ANGPT2: variants seen among roughly 807,000 people sequenced by gnomAD.
ANGPT2 encodes the protein angiopoietin-2.
Under a neutral mutation model 62.9 loss-of-function variants are expected in ANGPT2, and 28 were observed. The ratio of observed to expected loss-of-function variants is 0.44; its 90% CI spans 0.33 to 0.61. The LOEUF (loss-of-function observed/expected upper bound fraction) is 0.61, where lower values mean the gene tolerates loss of function less well. Ranked by LOEUF, ANGPT2 falls within the 20% of genes least tolerant of loss-of-function variation. ANGPT2 has a pLI of 0.03. For synonymous variants in ANGPT2, 284 were observed against 207.8 expected (o/e 1.37, Z -3.15); for missense variants, 727 against 594.9 (o/e 1.22, Z -2.31).
intron 4 of ANGPT2, among the ~76,000 whole-genome samples, chr8:6,520,553 G>C (rs1817123446): frequency 6.6e-6 from 1 of 151,950 alleles, no homozygotes; most frequent in Non-Finnish European, 1.5e-5. Flanking sequence ...CCACCACCAA[G>C]CCCAGCTAAT....
chr8:6,549,143 T>C (rs1823131237), intron 1 of ANGPT2, among the ~76,000 whole-genome samples: 1 of 152,162 alleles, frequency 6.6e-6, no homozygotes, highest in African/African-American at 2.4e-5. Context: ...GAGATAGCAG[T>C]ACAAGAAAAA....
chr8:6,500,109 G>C lies in ANGPT2; in HGVS notation c.*2992C>G. The C allele has an allele frequency of 1.6e-6, 1 of 622,720 alleles. No homozygotes were observed. The highest frequency in any genetic ancestry group is 2.9e-6 in the Non-Finnish European group (1 of 347,542). The allele number at this position is 622,720 out of a possible 1,614,324, so 38.6% of individuals were successfully genotyped here. ...TATTCGCGAGAACAAATGTGAGAACGTGAGACCATTGTGCAAAAAGTAGTG... is the reference window on the plus strand; with the variant it reads ...TATTCGCGAGAACAAATGTGAGAACCTGAGACCATTGTGCAAAAAGTAGTG... On this transcript the variant is annotated 3_prime_UTR_variant, in exon 9 of 9. Coordinates refer to ENST00000629816, the MANE Select transcript of ANGPT2 (RefSeq NM_001118887.2).
intron 5 of ANGPT2, among the ~76,000 whole-genome samples, chr8:6,519,200 T>C (rs1816846794): frequency 6.6e-6 from 1 of 152,210 alleles, no homozygotes; most frequent in Admixed American, 6.5e-5. Context: ...TCTCATGGTG[T>C]GGACCTCAGA....
At chr8:6,561,579 A>G (rs553544743) in intron 1 of ANGPT2, among the ~76,000 whole-genome samples, 54 of 152,234 alleles carry the variant, frequency 3.5e-4, no homozygotes, top group Non-Finnish European at 7.1e-4. Flanking sequence ...AATGAGGCTC[A>G]CCAACTTTTA....
rs906353246 is a variant in ANGPT2, at chr8:6,499,690, A to T, written c.*3411T>A. ...CTTTTTATTAATATTCATAACATTT[A>T]TGCAACATGAAGATTCTGAAGGGAC... On this transcript the variant is annotated 3_prime_UTR_variant, in exon 9 of 9. Transcript: ENST00000629816. 1.7e-5 allele frequency: 11 copies of T among 634,690 alleles called. No individual in the cohort carries two copies. The highest frequency in any genetic ancestry group is 2.8e-5 in the Non-Finnish European group (10 of 354,460). 39.3% of individuals were successfully genotyped at this position (634,690 alleles called of 1,614,324 possible). A position where few individuals can be genotyped will look rare whatever the true frequency, so the allele number is the denominator to read the frequency against.
intron 1 of ANGPT2, among the ~76,000 whole-genome samples, chr8:6,539,410 G>A (rs1435607037): frequency 6.6e-6 from 1 of 152,164 alleles, no homozygotes; most frequent in African/African-American, 2.4e-5. Context: ...AAGGCCGAGG[G>A]AGGGAAGCCT....
intron 7 of ANGPT2, among the ~76,000 whole-genome samples, chr8:6,510,151 G>GT (rs1167872587): frequency 8.0e-6 from 1 of 124,774 alleles, no homozygotes; most frequent in East Asian, 2.0e-4. Flanking sequence ...TTTTGAGGTT[G>GT]TTTTTTCTTT....
Position 6,520,037 on chromosome 8 carries a change from G to A in ANGPT2, c.800-46C>T, listed in dbSNP as rs2922899. 55 of 1,600,078 alleles carry A rather than the reference G, an allele frequency of 3.4e-5. No individual in the cohort carries two copies. The East Asian group carries it at 1.2e-3, about 34-fold the overall frequency. ...GGCATTTAAACGGAGTTCATGAAAAGACAAAGACTTGTTATTTCAAGAGCC... is the reference window on the plus strand; with the variant it reads ...GGCATTTAAACGGAGTTCATGAAAAAACAAAGACTTGTTATTTCAAGAGCC... On this transcript the variant is annotated intron_variant, in intron 4 of 8. Coordinates refer to ENST00000629816, the MANE Select transcript of ANGPT2 (RefSeq NM_001118887.2).
At chr8:6,528,282 C>T (rs950954693) in intron 2 of ANGPT2, among the ~76,000 whole-genome samples, 2 of 152,190 alleles carry the variant, frequency 1.3e-5, no homozygotes, top group African/African-American at 4.8e-5. Context: ...TCTAGTCTGC[C>T]ATATTTTATT....
At chr8:6,534,673 C>T (rs975014439) in intron 1 of ANGPT2, among the ~76,000 whole-genome samples, 1 of 152,188 alleles carries the variant, frequency 6.6e-6, no homozygotes, top group African/African-American at 2.4e-5. Context: ...AAATCAGTCA[C>T]TGATACCCGG....
chr8:6,499,939 A>C lies in ANGPT2; in HGVS notation c.*3162T>G. Reference sequence around the variant, plus strand: ...CTTCCCTGCAGCTCCCGTAAGTCAGATGTTGTTTTACGATGGTAAATGCAG... The same window carrying C: ...CTTCCCTGCAGCTCCCGTAAGTCAGCTGTTGTTTTACGATGGTAAATGCAG... On this transcript the variant is annotated 3_prime_UTR_variant, in exon 9 of 9. Transcript: ENST00000629816. The C allele has an allele frequency of 4.3e-6, 7 of 1,610,802 alleles. No homozygotes were observed. The highest frequency in any genetic ancestry group is 5.9e-6 in the Non-Finnish European group (7 of 1,177,278).
At chr8:6,510,877 A>C (rs1364106142) in intron 7 of ANGPT2, among the ~76,000 whole-genome samples, 1 of 152,210 alleles carries the variant, frequency 6.6e-6, no homozygotes, top group East Asian at 1.9e-4. Flanking sequence ...TGTGAGTCTC[A>C]GTATTTTCCC....
chr8:6,525,259 A>G (rs534890638), intron 3 of ANGPT2, among the ~76,000 whole-genome samples: 1 of 152,258 alleles, frequency 6.6e-6, no homozygotes, highest in East Asian at 1.9e-4. Context: ...ATCGTTGTAA[A>G]TTAGTATGTA....
intron 5 of ANGPT2, among the ~76,000 whole-genome samples, chr8:6,517,735 G>A (rs987275398): frequency 1.3e-5 from 2 of 152,098 alleles, no homozygotes; most frequent in African/African-American, 4.8e-5. Context: ...TTACAGATGG[G>A]GAAACTGAGC....
intron 1 of ANGPT2, among the ~76,000 whole-genome samples, chr8:6,551,718 C>G (rs1368882782): frequency 6.6e-6 from 1 of 152,104 alleles, no homozygotes; most frequent in Non-Finnish European, 1.5e-5. Flanking sequence ...GAACCTATTC[C>G]TTAATAGTTA....
At chr8:6,533,577 T>TC (rs1819941418) in intron 1 of ANGPT2, among the ~76,000 whole-genome samples, 1 of 124,512 alleles carries the variant, frequency 8.0e-6, no homozygotes, top group East Asian at 2.1e-4. Context: ...TTCTTTTTTT[T>TC]TTTTTTTTTT....
At position 6,563,031 on chromosome 8, in the gene ANGPT2, G is replaced by A. The variant is rs916521553; in HGVS notation, c.-97C>T. ...GCCGTCTAAAACGCAGGGCTGCTAC[G>A]CTGCCATGGCTGGGTCCGTCAATGA... On this transcript the variant is annotated 5_prime_UTR_variant, in exon 1 of 9. Transcript: ENST00000629816. 1.5e-6 allele frequency: 2 copies of A among 1,325,206 alleles called. No individual in the cohort carries two copies. Among genetic ancestry groups the A allele is most frequent in the East Asian group, 2.4e-5 (1 of 41,230 alleles). The allele number at this position is 1,325,206 out of a possible 1,614,324, so 82.1% of individuals were successfully genotyped here.
chr8:6,510,064 T>C (rs995884422), intron 7 of ANGPT2, among the ~76,000 whole-genome samples: 3 of 152,106 alleles, frequency 2.0e-5, no homozygotes, highest in African/African-American at 7.2e-5. Context: ...CATTGTAAGC[T>C]GAATTGCAAA....
Position 6,502,868 on chromosome 8 carries a change from T to C in ANGPT2, c.*233A>G. 2.0e-6 allele frequency: 1 copy of C among 507,782 alleles called. No homozygotes were observed. The highest frequency in any genetic ancestry group is 3.1e-5 in the South Asian group (1 of 32,748). 31.5% of individuals were successfully genotyped at this position (507,782 alleles called of 1,614,324 possible). A position where few individuals can be genotyped will look rare whatever the true frequency, so the allele number is the denominator to read the frequency against. ...AGCCTCGGGTTCATCTTTGCATAGG[T>C]GTTCTGTCTAATCACAATTATGGAT... On this transcript the variant is annotated 3_prime_UTR_variant, in exon 9 of 9. Transcript: ENST00000629816.
Sources: allele counts gnomAD v4.1 joint callset (sites outside exome capture counted in the v4.1 genomes callset), GRCh38; gene constraint gnomAD v4.1.1; transcripts MANE v1.5; gene names NCBI Gene and HGNC (gene_info 2026-07-23, HGNC 2026-07-21).